Variants in NBPF11 observed in about 807,000 individuals in gnomAD.
NBPF11 encodes NBPF member 11, also known as NBPF family member NBPF11.
A neutral mutation model predicts 93.9 loss-of-function variants in NBPF11; 72 were observed. That is an observed-to-expected ratio of 0.77 (90% confidence interval 0.63 to 0.93). NBPF11 has a LOEUF of 0.93. NBPF11 is among the 40% of genes least tolerant of loss of function. The probability of loss-of-function intolerance (pLI) is 0.00; values close to 1 mark genes in which losing one functional copy is unlikely to be tolerated. For missense variants in NBPF11, 705 were observed against 802.2 expected, an observed-to-expected ratio of 0.88 and a Z score of 1.46; for synonymous variants, 224 against 304.9, an observed-to-expected ratio of 0.73 and a Z score of 2.76.
At chr1:148,146,927 G>A in intron 1 of NBPF11, 7 of 1,604,746 alleles carry the variant, frequency 4.4e-6, no homozygotes, top group Non-Finnish European at 5.9e-6. Context: ...ACCAGGTGAG[G>A]GCGACCCTGG....
rs1249117183 is a variant in NBPF11, at chr1:148,122,378, C to T, written c.567-112G>A. On this transcript the variant is annotated intron_variant, in intron 8 of 23. Coordinates refer to ENST00000682118, the MANE Select transcript of NBPF11 (RefSeq NM_001385469.3). ...GCATTAAGAGAGTGGTCCCAGAAAA[C>T]AAATGGAGGTTCCCTTTAAGAGGGA... 6 of 1,545,720 alleles carry T rather than the reference C, an allele frequency of 3.9e-6. No individual in the cohort carries two copies. The East Asian group carries it at 1.1e-4, about 29-fold the overall frequency.
At position 148,103,759 on chromosome 1, in the gene NBPF11, G is replaced by A; in HGVS notation, c.*137C>T. ...ACCTATTGTCCATGTCAAGGGCAAAGCTGATGTGCTGTTCCTCAAATGAGT... is the reference window on the plus strand; with the variant it reads ...ACCTATTGTCCATGTCAAGGGCAAAACTGATGTGCTGTTCCTCAAATGAGT... On this transcript the variant is annotated 3_prime_UTR_variant, in exon 24 of 24. Coordinates refer to ENST00000682118, the MANE Select transcript of NBPF11 (RefSeq NM_001385469.3). 6.2e-7 allele frequency: 1 copy of A among 1,611,834 alleles called. No homozygotes were observed. Among genetic ancestry groups the A allele is most frequent in the Non-Finnish European group, 8.5e-7 (1 of 1,179,424 alleles).
In NBPF11 at chr1:148,102,237, G is replaced by C. The variant is rs1203320437; in HGVS notation, c.*1659C>G. On this transcript the variant is annotated 3_prime_UTR_variant, in exon 24 of 24. Transcript: ENST00000682118. ...AGGCAAAGAATGTTTTCTTCTTTTTGCAACAGCAGACACTAGTAAAAACAA... is the reference window on the plus strand; with the variant it reads ...AGGCAAAGAATGTTTTCTTCTTTTTCCAACAGCAGACACTAGTAAAAACAA... The C allele has an allele frequency of 6.6e-6, 1 of 151,762 alleles. No homozygotes were observed. The highest frequency in any genetic ancestry group is 2.4e-5 in the African/African-American group (1 of 41,042). The allele number at this position is 151,762 out of a possible 1,614,324, so 9.4% of individuals were successfully genotyped here.
At position 148,109,168 on chromosome 1, in the gene NBPF11, A is replaced by G. The variant is rs1473063760; in HGVS notation, c.1853+116T>C. 3 of 840,464 alleles carry G rather than the reference A, an allele frequency of 3.6e-6. No homozygotes were observed. In the Admixed American group the frequency reaches 5.1e-5, roughly 14 times the overall value. The allele number at this position is 840,464 out of a possible 1,614,324, so 52.1% of individuals were successfully genotyped here. On this transcript the variant is annotated intron_variant, in intron 17 of 23. Transcript: ENST00000682118. The stretch of plus-strand genomic sequence containing the variant: ...AACCAAAAAACAATGCAGTAGGCAT[A>G]ATTCAGACTTGTCTGACAAGACAAA...
At chr1:148,139,230 C>A (rs1384422560) in intron 2 of NBPF11, among the ~76,000 whole-genome samples, 1 of 150,494 alleles carries the variant, frequency 6.6e-6, no homozygotes, top group Non-Finnish European at 1.5e-5. Flanking sequence ...GGTTTGGTAA[C>A]AAATACCAGT....
chr1:148,151,248 A>T (rs1205663193), intron 1 of NBPF11, among the ~76,000 whole-genome samples: 1 of 151,914 alleles, frequency 6.6e-6, no homozygotes, highest in East Asian at 1.9e-4. Context: ...TGATCGCTAC[A>T]AACGCTCCTC....
chr1:148,148,533 C>T (rs1317313057), intron 1 of NBPF11, among the ~76,000 whole-genome samples: 3 of 152,156 alleles, frequency 2.0e-5, no homozygotes, highest in East Asian at 3.9e-4. Flanking sequence ...GACTTGTCCA[C>T]TCCCAAGGGA....
intron 1 of NBPF11, among the ~76,000 whole-genome samples, chr1:148,147,119 G>A (rs1673273656): frequency 6.6e-6 from 1 of 152,168 alleles, no homozygotes; most frequent in African/African-American, 2.4e-5. Flanking sequence ...GGTGTGGCCA[G>A]GCGGTCCTCC....
chr1:148,127,734 C>T (rs1669435797), intron 4 of NBPF11, among the ~76,000 whole-genome samples: 1 of 145,682 alleles, frequency 6.9e-6, no homozygotes, highest in South Asian at 2.2e-4. Flanking sequence ...GCTCTGCCTC[C>T]CAGGTTCACG....
At chr1:148,149,425 G>A (rs1647686881) in intron 1 of NBPF11, 5 of 1,581,398 alleles carry the variant, frequency 3.2e-6, no homozygotes, top group Non-Finnish European at 4.3e-6. Context: ...CGCACGGGCT[G>A]GCGCTCTACG....
At chr1:148,136,895 C>T (rs1387591095) in intron 3 of NBPF11, among the ~76,000 whole-genome samples, 1 of 151,878 alleles carries the variant, frequency 6.6e-6, no homozygotes, top group Non-Finnish European at 1.5e-5. Flanking sequence ...GGATTTTAAG[C>T]TTTTGATCTG....
chr1:148,122,330 G>A, intron 8 of NBPF11, 64 bp from the exon 9 acceptor site: 1 of 1,609,716 alleles, frequency 6.2e-7, no homozygotes, highest in Non-Finnish European at 8.5e-7. Flanking sequence ...ACCCCAAGGA[G>A]TCCTAGCTGG....
At chr1:148,105,766 A>C (rs1663431610) in intron 21 of NBPF11, among the ~76,000 whole-genome samples, 1 of 87,814 alleles carries the variant, frequency 1.1e-5, no homozygotes, top group Non-Finnish European at 1.9e-5. Context: ...ACAAAGACAC[A>C]CACACACACT....
At chr1:148,129,156 T>A (rs1218894568) in intron 4 of NBPF11, among the ~76,000 whole-genome samples, 3 of 115,352 alleles carry the variant, frequency 2.6e-5, no homozygotes, top group Non-Finnish European at 5.7e-5. Flanking sequence ...GTATATATAT[T>A]ATATATATAT....
chr1:148,130,492 C>T (rs1226834857), intron 4 of NBPF11, among the ~76,000 whole-genome samples: 4 of 151,504 alleles, frequency 2.6e-5, no homozygotes, highest in African/African-American at 9.8e-5. Context: ...ATTTTTCTCA[C>T]CAATTGCTTT....
At chr1:148,117,067 C>T (rs1299637520) in intron 12 of NBPF11, among the ~76,000 whole-genome samples, 7 of 152,018 alleles carry the variant, frequency 4.6e-5, no homozygotes, top group Non-Finnish European at 7.3e-5. Context: ...TTCTCCAACA[C>T]CACACGGAGA....
At chr1:148,132,419 G>A (rs1454266936) in intron 4 of NBPF11, among the ~76,000 whole-genome samples, 8 of 148,508 alleles carry the variant, frequency 5.4e-5, no homozygotes, top group Non-Finnish European at 1.0e-4. Context: ...TCTGGAAATA[G>A]GTAGTGAATT....
At chr1:148,134,807 G>C (rs1671003092) in intron 4 of NBPF11, among the ~76,000 whole-genome samples, 1 of 151,940 alleles carries the variant, frequency 6.6e-6, no homozygotes, top group Admixed American at 6.5e-5. Context: ...CGATGCAAGA[G>C]AATAGAAGAG....
intron 3 of NBPF11, 134 bp from the exon 4 acceptor site, chr1:148,135,947 T>C: frequency 1.5e-6 from 1 of 672,000 alleles, no homozygotes; most frequent in Non-Finnish European, 2.6e-6. Flanking sequence ...GGTCACAGGA[T>C]TCTTTACATG....
Sources: gnomAD v4.1 joint callset for allele counts (sites outside exome capture counted in the v4.1 genomes callset) on GRCh38, gnomAD v4.1.1 for gene constraint, MANE v1.5 for transcripts, NCBI Gene and HGNC (gene_info 2026-07-23, HGNC 2026-07-21) for gene names.